RPS6KC1: variants seen among roughly 807,000 people sequenced by gnomAD.
RPS6KC1 encodes ribosomal protein S6 kinase C1.
A neutral mutation model predicts 103.8 loss-of-function variants in RPS6KC1; 54 were observed. That is an observed-to-expected ratio of 0.52 (90% confidence interval 0.42 to 0.65). RPS6KC1 has a LOEUF of 0.65. Ranked by LOEUF, RPS6KC1 falls within the 30% of genes least tolerant of loss-of-function variation. The pLI is 0.00. For synonymous variants in RPS6KC1, 439 were observed against 438.7 expected (o/e 1.00, Z -0.01); for missense variants, 1,151 against 1,253.8 (o/e 0.92, Z 1.24).
the RPS6KC1 span, among the ~76,000 whole-genome samples, chr1:213,335,613 C>A: frequency 6.6e-6 from 1 of 152,216 alleles, no homozygotes; most frequent in Non-Finnish European, 1.5e-5. Flanking sequence ...TATATGCACA[C>A]ACCTGCCACT....
chr1:213,164,397 A>G (rs565253127), intron 6 of RPS6KC1, among the ~76,000 whole-genome samples: 1 of 152,252 alleles, frequency 6.6e-6, no homozygotes, highest in Admixed American at 6.5e-5. Flanking sequence ...CTACTCAGCT[A>G]CTCCCTATCA....
the RPS6KC1 span, among the ~76,000 whole-genome samples, chr1:213,376,582 C>T: frequency 6.6e-6 from 1 of 151,908 alleles, no homozygotes; most frequent in African/African-American, 2.4e-5. Flanking sequence ...TGATGCAAAC[C>T]GTTCCTCCGA....
the RPS6KC1 span, among the ~76,000 whole-genome samples, chr1:213,465,902 A>G: frequency 6.6e-6 from 1 of 151,774 alleles, no homozygotes; most frequent in Non-Finnish European, 1.5e-5. Context: ...AACTGCCCTC[A>G]TTTCCCCACT....
the RPS6KC1 span, among the ~76,000 whole-genome samples, chr1:213,286,650 T>C: frequency 6.6e-6 from 1 of 152,148 alleles, no homozygotes; most frequent in African/African-American, 2.4e-5. Flanking sequence ...TAATGAGAGG[T>C]AGAGTGTCTT....
chr1:213,205,231 T>C, intron 8 of RPS6KC1: 14 of 984,532 alleles, frequency 1.4e-5, no homozygotes, highest in Non-Finnish European at 1.4e-5. Context: ...ACTCTACTGA[T>C]TCATTAGTAC....
intron 13 of RPS6KC1, among the ~76,000 whole-genome samples, chr1:213,262,073 A>C (rs891993249): frequency 2.6e-5 from 4 of 152,172 alleles, no homozygotes; most frequent in Non-Finnish European, 5.9e-5. Flanking sequence ...TCAGTACCAT[A>C]AATTTTTCCT....
chr1:213,117,342 A>T lies in RPS6KC1; in HGVS notation c.404A>T (p.Glu135Val), dbSNP rs1482500915. The change falls in exon 5 of 15, where the codon GAA becomes GTA. Residue 135 changes from glutamate to valine, a missense_variant. Glu to Val is a moderately radical substitution (Grantham distance 121). Transcript: ENST00000366960. ...FKGGIINDSSELIGPAEAHSD... is the reference protein window; with the variant it reads ...FKGGIINDSSVLIGPAEAHSD... Reference sequence around the variant, plus strand: ...GGTGGAATAATTAATGATAGTTCTGAATTAATTGGTCCTGCTGAAGCTCAC... The same window carrying T: ...GGTGGAATAATTAATGATAGTTCTGTATTAATTGGTCCTGCTGAAGCTCAC... 8.1e-6 allele frequency: 13 copies of T among 1,605,944 alleles called. No individual in the cohort carries two copies. Among genetic ancestry groups the T allele is most frequent in the Non-Finnish European group, 1.1e-5 (13 of 1,173,172 alleles).
At chr1:213,601,824 C>G in the RPS6KC1 span, among the ~76,000 whole-genome samples, 2 of 151,974 alleles carry the variant, frequency 1.3e-5, no homozygotes, top group Non-Finnish European at 2.9e-5. Context: ...TCTCATTCCT[C>G]CAAATAAAAC....
At chr1:213,674,331 A>C in the RPS6KC1 span, among the ~76,000 whole-genome samples, 1 of 152,114 alleles carries the variant, frequency 6.6e-6, no homozygotes, top group Non-Finnish European at 1.5e-5. Context: ...TACCATCTTT[A>C]TGTTTATGAG....
At chr1:213,580,460 A>G in the RPS6KC1 span, among the ~76,000 whole-genome samples, 1 of 152,146 alleles carries the variant, frequency 6.6e-6, no homozygotes, top group Non-Finnish European at 1.5e-5. Flanking sequence ...AGCATTTAGA[A>G]TATGCCATAA....
At chr1:213,095,848 T>A (rs187013677) in intron 3 of RPS6KC1, among the ~76,000 whole-genome samples, 1 of 152,348 alleles carries the variant, frequency 6.6e-6, no homozygotes, top group East Asian at 1.9e-4. Context: ...CAGTATGTGG[T>A]AGTCTTTTTG....
At chr1:213,406,858 G>A in the RPS6KC1 span, among the ~76,000 whole-genome samples, 6 of 152,084 alleles carry the variant, frequency 3.9e-5, no homozygotes, top group Admixed American at 2.6e-4. Context: ...CTGAGTCCTC[G>A]GCTGATCCTG....
the RPS6KC1 span, among the ~76,000 whole-genome samples, chr1:213,665,810 A>G: frequency 5.3e-5 from 8 of 152,224 alleles, no homozygotes; most frequent in African/African-American, 1.4e-4. Context: ...GAGTTAATTC[A>G]TGGTACTTTC....
chr1:213,223,673 A>C (rs116015123), intron 8 of RPS6KC1, among the ~76,000 whole-genome samples: 2 of 152,058 alleles, frequency 1.3e-5, no homozygotes, highest in Admixed American at 6.5e-5. Flanking sequence ...ATAAACATGT[A>C]TATGCATGTG....
the RPS6KC1 span, among the ~76,000 whole-genome samples, chr1:213,330,076 G>A: frequency 1.3e-5 from 2 of 152,208 alleles, no homozygotes; most frequent in South Asian, 4.1e-4. Flanking sequence ...TTCACACTGG[G>A]TATTGTGTCC....
At chr1:213,087,985 C>T (rs2080579778) in intron 3 of RPS6KC1, among the ~76,000 whole-genome samples, 1 of 152,148 alleles carries the variant, frequency 6.6e-6, no homozygotes, top group Non-Finnish European at 1.5e-5. Flanking sequence ...CCTTGGTCTG[C>T]TTTAACCCCA....
chr1:213,225,046 T>C (rs2093927174), intron 8 of RPS6KC1, among the ~76,000 whole-genome samples: 1 of 152,218 alleles, frequency 6.6e-6, no homozygotes, highest in Non-Finnish European at 1.5e-5. Flanking sequence ...TAAATAACTT[T>C]AAGAACTGAA....
the RPS6KC1 span, among the ~76,000 whole-genome samples, chr1:213,615,836 T>C: frequency 6.6e-6 from 1 of 152,338 alleles, no homozygotes; most frequent in Non-Finnish European, 1.5e-5. Context: ...CCAGTCTCCA[T>C]GGGGACTTGA....
At chr1:213,721,363 C>T in the RPS6KC1 span, among the ~76,000 whole-genome samples, 8 of 151,918 alleles carry the variant, frequency 5.3e-5, no homozygotes, top group Non-Finnish European at 1.2e-4. Flanking sequence ...TGAATCATGG[C>T]GGTGGTTTCC....
Sources: allele counts gnomAD v4.1 joint callset (sites outside exome capture counted in the v4.1 genomes callset), GRCh38; gene constraint gnomAD v4.1.1; transcripts MANE v1.5; gene names NCBI Gene and HGNC (gene_info 2026-07-23, HGNC 2026-07-21).